GLDC: variants seen among roughly 807,000 people sequenced by gnomAD.
GLDC encodes glycine dehydrogenase (decarboxylating), mitochondrial.
Under a neutral mutation model 121.3 loss-of-function variants are expected in GLDC, and 104 were observed. That is an observed-to-expected ratio of 0.86 (90% CI 0.73 to 1.01). The LOEUF is 1.01. Ranked by LOEUF, GLDC falls within the 50% of genes least tolerant of loss-of-function variation. The probability of loss-of-function intolerance (pLI) is 0.00; values close to 1 mark genes in which losing one functional copy is unlikely to be tolerated. For synonymous variants in GLDC, 546 were observed against 480.6 expected, an observed-to-expected ratio of 1.14 and a Z score of -1.78; for missense variants, 1,429 against 1,306.6, an observed-to-expected ratio of 1.09 and a Z score of -1.44.
chr9:6,536,013 T>C (rs572345183), intron 23 of GLDC, 51 bp downstream of exon 23: 4 of 1,482,102 alleles, frequency 2.7e-6, no homozygotes, highest in Non-Finnish European at 9.4e-7. Flanking sequence ...TGTCCAGACA[T>C]CATTTTCTAG....
intron 10 of GLDC, among the ~76,000 whole-genome samples, chr9:6,592,505 C>T (rs1818394498): frequency 6.6e-6 from 1 of 152,146 alleles, no homozygotes; most frequent in Non-Finnish European, 1.5e-5. Flanking sequence ...TTCCCTTAAC[C>T]CACTTATCAG....
intron 2 of GLDC, chr9:6,639,088 C>G (rs529701188): frequency 1.2e-5 from 8 of 687,040 alleles, no homozygotes; most frequent in African/African-American, 9.0e-5. Flanking sequence ...AACAAGGTGA[C>G]AGTCCAATCT....
chr9:6,638,283 A>G (rs1050341780), intron 2 of GLDC, among the ~76,000 whole-genome samples: 2 of 151,304 alleles, frequency 1.3e-5, no homozygotes, highest in African/African-American at 4.9e-5. Context: ...GACTTAGCTC[A>G]CTGCAACCTC....
At chr9:6,581,756 A>G (rs1036278162) in intron 15 of GLDC, among the ~76,000 whole-genome samples, 1 of 152,194 alleles carries the variant, frequency 6.6e-6, no homozygotes, top group Non-Finnish European at 1.5e-5. Context: ...CCAAAAGCTA[A>G]TATTTACCAG....
chr9:6,551,606 G>C (rs1008338512), intron 20 of GLDC, among the ~76,000 whole-genome samples: 1 of 152,178 alleles, frequency 6.6e-6, no homozygotes, highest in African/African-American at 2.4e-5. Context: ...GTATCATTAA[G>C]GGGGTCCAAA....
In GLDC at chr9:6,645,289, C is replaced by T; in HGVS notation, c.211G>A (p.Gly71Arg). The change falls in exon 1 of 25, where the codon GGG (glycine) becomes AGG (arginine). Residue 71 changes from glycine to arginine, a missense_variant. Coordinates refer to ENST00000321612, the MANE Select transcript of GLDC (RefSeq NM_000170.3). ...AGCATCTCTCTCTGGTCTTTGTCCCCAGGGCCGATGTGCCTCCGAGCGAAG... is the reference window on the plus strand; with the variant it reads ...AGCATCTCTCTCTGGTCTTTGTCCCTAGGGCCGATGTGCCTCCGAGCGAAG... ...DDFARRHIGP[G>R]DKDQREMLQT... 6.2e-7 allele frequency: 1 copy of T among 1,603,206 alleles called. No homozygotes were observed. Among genetic ancestry groups the T allele is most frequent in the Middle Eastern group, 1.9e-4 (1 of 5,400 alleles).
At chr9:6,615,205 A>G (rs1250014755) in intron 3 of GLDC, among the ~76,000 whole-genome samples, 1 of 152,212 alleles carries the variant, frequency 6.6e-6, no homozygotes, top group Non-Finnish European at 1.5e-5. Flanking sequence ...GCAACTGTAA[A>G]TTAGCATCTG....
intron 18 of GLDC, 83 bp downstream of exon 18, chr9:6,556,070 C>T: frequency 8.3e-7 from 1 of 1,208,612 alleles, no homozygotes; most frequent in South Asian, 1.3e-5. Flanking sequence ...GGCAGGAAGC[C>T]TCTCAAGAAG....
In GLDC at chr9:6,592,878, G is replaced by C; in HGVS notation, c.1374C>G (p.Ile458Met). The change falls in exon 10 of 25, where the codon ATC becomes ATG. Residue 458 changes from isoleucine to methionine, a missense_variant. Transcript: ENST00000321612. ...TGCCATCCTCAAAAAGCCGAAAATT[G>C]ATCTGCCGCTGAGCGGCCCTGCCCA... ...EVLGRAAQRQ[I>M]NFRLFEDGTL... The C allele has an allele frequency of 6.2e-7, 1 of 1,613,780 alleles. No individual in the cohort carries two copies. Among genetic ancestry groups the C allele is most frequent in the Non-Finnish European group, 8.5e-7 (1 of 1,179,948 alleles).
intron 15 of GLDC, among the ~76,000 whole-genome samples, chr9:6,585,856 G>GTATCTATC (rs1318391801): frequency 3.1e-5 from 3 of 97,780 alleles, no homozygotes; most frequent in Admixed American, 1.0e-4. Context: ...ATGTATGTAT[G>GTATCTATC]TATGTATGTA....
chr9:6,603,129 G>A (rs1260762426), intron 7 of GLDC, among the ~76,000 whole-genome samples: 1 of 151,958 alleles, frequency 6.6e-6, no homozygotes, highest in Non-Finnish European at 1.5e-5. Flanking sequence ...TTGGGAGGCT[G>A]AGGCTCAAGA....
At chr9:6,549,920 C>A (rs1446108758) in intron 21 of GLDC, among the ~76,000 whole-genome samples, 1 of 152,316 alleles carries the variant, frequency 6.6e-6, no homozygotes, top group East Asian at 1.9e-4. Context: ...TTGTCCAGCT[C>A]AAGGGTGAAG....
intron 3 of GLDC, among the ~76,000 whole-genome samples, chr9:6,611,036 G>T (rs1818840530): frequency 1.3e-5 from 2 of 152,124 alleles, no homozygotes; most frequent in South Asian, 4.1e-4. Flanking sequence ...TATTTATTTG[G>T]ATATTTGTTT....
intron 4 of GLDC, 56 bp from the exon 5 acceptor site, chr9:6,606,725 T>G: frequency 1.0e-6 from 1 of 989,406 alleles, no homozygotes; most frequent in Non-Finnish European, 1.6e-6. Flanking sequence ...AGGACTATCT[T>G]CTAAGAACGC....
chr9:6,573,739 A>G lies in GLDC; in HGVS notation c.1851-8310T>C, dbSNP rs149300817. Among the ~76,000 whole-genome samples the G allele has an allele frequency of 3.6e-3, 550 of 152,336 alleles. 6 individuals are homozygous for G. The highest frequency in any genetic ancestry group is 0.013 in the African/African-American group (527 of 41,588). On this transcript the variant is annotated intron_variant, in intron 15 of 24. Transcript: ENST00000321612. ...ACATCAGCTAAGAAACCGATACGGT[A>G]AAAATGATGGCAGTAAAGTGATCCT...
intron 2 of GLDC, chr9:6,639,673 A>ATG: frequency 4.1e-6 from 1 of 242,916 alleles, no homozygotes; most frequent in Admixed American, 5.5e-5. Flanking sequence ...AAAAAAGTAT[A>ATG]TATATATATA....
intron 21 of GLDC, among the ~76,000 whole-genome samples, chr9:6,550,083 G>A (rs992978245): frequency 1.3e-5 from 2 of 152,082 alleles, no homozygotes; most frequent in Admixed American, 6.6e-5. Context: ...GGCTCTCATC[G>A]GCTACGCTGG....
At chr9:6,599,663 G>C (rs1473959597) in intron 8 of GLDC, among the ~76,000 whole-genome samples, 1 of 150,676 alleles carries the variant, frequency 6.6e-6, no homozygotes, top group African/African-American at 2.4e-5. Context: ...AGAGGTTGCA[G>C]TGAGCTGAGA....
intron 9 of GLDC, among the ~76,000 whole-genome samples, chr9:6,594,784 A>C (rs544719331): frequency 3.3e-5 from 5 of 151,440 alleles, no homozygotes; most frequent in African/African-American, 7.3e-5. Flanking sequence ...AAAAAGAAAG[A>C]AAGCAAGAAA....
Sources: gnomAD v4.1 joint callset for allele counts (sites outside exome capture counted in the v4.1 genomes callset) on GRCh38, gnomAD v4.1.1 for gene constraint, MANE v1.5 for transcripts, NCBI Gene and HGNC (gene_info 2026-07-23, HGNC 2026-07-21) for gene names.